TENM2: variants seen among roughly 807,000 people sequenced by gnomAD.
TENM2 encodes the protein teneurin transmembrane protein 2, also known as teneurin-2.
A neutral mutation model predicts 245.2 loss-of-function variants in TENM2; 52 were observed. The observed-to-expected ratio is 0.21, with a 90% CI of 0.17 to 0.27. TENM2 has a LOEUF of 0.27. TENM2 is among the 10% of genes least tolerant of loss of function. The pLI is 1.00. For synonymous variants in TENM2, 1,363 were observed against 1,438.9 expected (o/e 0.95, Z 1.19); for missense variants, 3,046 against 3,666.8 (o/e 0.83, Z 4.37).
chr5:167,988,891 C>T (rs1226548137), intron 4 of TENM2, among the ~76,000 whole-genome samples: 2 of 152,180 alleles, frequency 1.3e-5, no homozygotes, highest in Non-Finnish European at 2.9e-5. Context: ...TTTCACGAAG[C>T]AGTGCCATAT....
chr5:167,474,958 C>G (rs369947019), intron 2 of TENM2, among the ~76,000 whole-genome samples: 2 of 152,084 alleles, frequency 1.3e-5, no homozygotes, highest in East Asian at 3.9e-4. Context: ...AGTGAACCAC[C>G]AAAAGTTTGC....
At chr5:168,159,207 T>C (rs1431829336) in intron 12 of TENM2, among the ~76,000 whole-genome samples, 4 of 151,934 alleles carry the variant, frequency 2.6e-5, no homozygotes, top group East Asian at 1.9e-4. Flanking sequence ...TGGAGAGAAA[T>C]AGGGAGACAA....
In TENM2 at chr5:167,578,894, T is replaced by A. The variant is rs77109160; in HGVS notation, c.502+203421T>A. Among the ~76,000 whole-genome samples the A allele has an allele frequency of 6.6e-3, 1,011 of 152,288 alleles. 12 individuals are homozygous for A. The highest frequency in any genetic ancestry group is 0.023 in the African/African-American group (963 of 41,546). On this transcript the variant is annotated intron_variant, in intron 2 of 28. Coordinates refer to ENST00000518659, the Ensembl canonical transcript of TENM2. ...GTTTTCTTTTCAACAGAGTTCACGA[T>A]GAGAAGGAGCAAAAATAATTATTAG...
chr5:167,390,067 C>A (rs1273722231), intron 2 of TENM2, among the ~76,000 whole-genome samples: 2 of 152,150 alleles, frequency 1.3e-5, no homozygotes, highest in Non-Finnish European at 2.9e-5. Flanking sequence ...ATTGTTTATA[C>A]AAATGCTTAA....
At chr5:167,455,456 T>TTTG (rs1554158392) in intron 2 of TENM2, among the ~76,000 whole-genome samples, 1 of 156 alleles carries the variant, frequency 6.4e-3, no homozygotes, top group African/African-American at 9.4e-3. Context: ...GTATGTGTAG[T>TTTG]TTTTTTTTTT....
chr5:167,057,385 A>G, the TENM2 span, among the ~76,000 whole-genome samples: 1 of 151,960 alleles, frequency 6.6e-6, no homozygotes, highest in African/African-American at 2.4e-5. Flanking sequence ...TTTGCCTTTC[A>G]TTATGTCTTG....
intron 2 of TENM2, among the ~76,000 whole-genome samples, chr5:167,648,267 T>C (rs1780098616): frequency 6.6e-6 from 1 of 152,238 alleles, no homozygotes; most frequent in South Asian, 2.1e-4. Context: ...TTTATCATTA[T>C]GCAAAGCCAG....
At chr5:167,055,692 TAATTCCA>T in the TENM2 span, among the ~76,000 whole-genome samples, 2 of 152,104 alleles carry the variant, frequency 1.3e-5, no homozygotes, top group Admixed American at 6.6e-5. Flanking sequence ...ACTGTGTTTT[TAATTCCA>T]AATTCCACTT....
the TENM2 span, among the ~76,000 whole-genome samples, chr5:167,105,464 A>T: frequency 1.4e-4 from 22 of 152,194 alleles, no homozygotes; most frequent in Non-Finnish European, 1.5e-5. Flanking sequence ...TAACCCTTCA[A>T]ATGTGAGTCT....
chr5:167,065,586 C>T, the TENM2 span, among the ~76,000 whole-genome samples: 1 of 152,084 alleles, frequency 6.6e-6, no homozygotes, highest in Non-Finnish European at 1.5e-5. Context: ...AATACAAAGT[C>T]GTTATTTTCA....
At chr5:167,690,101 C>CTTTTT (rs370994752) in intron 2 of TENM2, among the ~76,000 whole-genome samples, 1 of 119,912 alleles carries the variant, frequency 8.3e-6, no homozygotes, top group Non-Finnish European at 1.8e-5. Flanking sequence ...AAAAAACACA[C>CTTTTT]TTTTTTTTTT....
Position 167,889,469 on chromosome 5 carries a change from C to T in TENM2, c.712+13274C>T, listed in dbSNP as rs142760973. 1.4e-4 allele frequency among the ~76,000 whole-genome samples: 22 copies of T among 152,304 alleles called. No individual in the cohort carries two copies. The East Asian group carries it at 3.3e-3, about 23-fold the overall frequency. On this transcript the variant is annotated intron_variant, in intron 3 of 28. Transcript: ENST00000518659. ...TCTTCCCGTCTGTGGTAATGGAGCACTCGTTCCCAGTTCCCAAGGTTATTT... is the reference window on the plus strand; with the variant it reads ...TCTTCCCGTCTGTGGTAATGGAGCATTCGTTCCCAGTTCCCAAGGTTATTT...
Position 168,003,344 on chromosome 5 carries a change from CA to C in TENM2, c.1186+10163del, listed in dbSNP as rs1261634006. Among the ~76,000 whole-genome samples, 273 of 61,440 alleles carry C rather than the reference CA, an allele frequency of 4.4e-3. 3 individuals carry two copies. Among genetic ancestry groups the C allele is most frequent in the Middle Eastern group, 0.033 (4 of 122 alleles). 40.3% of individuals were successfully genotyped at this position (61,440 alleles called of 152,430 possible). A position where few individuals can be genotyped will look rare whatever the true frequency, so the allele number is the denominator to read the frequency against. On this transcript the variant is annotated intron_variant, in intron 5 of 28. Coordinates refer to ENST00000518659, the Ensembl canonical transcript of TENM2. ...ACACACACACACACACACACACACA[CA>C]CCCCCAAAGCTGGCATAACTGTGAA...
intron 1 of TENM2, among the ~76,000 whole-genome samples, chr5:167,285,289 A>G (rs1305670288): frequency 6.6e-6 from 1 of 152,166 alleles, no homozygotes; most frequent in Non-Finnish European, 1.5e-5. Context: ...TAGTCCACTT[A>G]CAAGCCTCAA....
intron 2 of TENM2, among the ~76,000 whole-genome samples, chr5:167,700,776 T>A (rs917377958): frequency 6.6e-6 from 1 of 152,126 alleles, no homozygotes; most frequent in African/African-American, 2.4e-5. Context: ...GATATCACAA[T>A]TCGGTCCATC....
the TENM2 span, among the ~76,000 whole-genome samples, chr5:167,208,347 A>G: frequency 6.6e-6 from 1 of 152,220 alleles, no homozygotes; most frequent in Non-Finnish European, 1.5e-5. Flanking sequence ...TTAAGCTAAT[A>G]CTAAATGACT....
chr5:166,979,876 T>TC, the TENM2 span, among the ~76,000 whole-genome samples: 32 of 151,452 alleles, frequency 2.1e-4, no homozygotes, highest in Non-Finnish European at 3.0e-5. Context: ...TTATAGGGAT[T>TC]TTTTTTTAGG....
At chr5:167,489,452 A>G (rs942725734) in intron 2 of TENM2, among the ~76,000 whole-genome samples, 2 of 152,114 alleles carry the variant, frequency 1.3e-5, no homozygotes, top group African/African-American at 2.4e-5. Flanking sequence ...CTCCCACACT[A>G]TCTTCAGACC....
the TENM2 span, among the ~76,000 whole-genome samples, chr5:167,012,969 T>C: frequency 2.0e-5 from 3 of 152,154 alleles, no homozygotes; most frequent in African/African-American, 7.2e-5. Context: ...GCTAACATAA[T>C]TGGAGTGCAA....
Sources: gnomAD v4.1 joint callset for allele counts (sites outside exome capture counted in the v4.1 genomes callset) on GRCh38, gnomAD v4.1.1 for gene constraint, MANE v1.5 for transcripts, NCBI Gene and HGNC (gene_info 2026-07-23, HGNC 2026-07-21) for gene names.